SMARCB1: variants seen among roughly 807,000 people sequenced by gnomAD.
The protein encoded by SMARCB1 is SWI/SNF related BAF chromatin remodeling complex subunit B1.
A neutral mutation model predicts 49.0 loss-of-function variants in SMARCB1; 5 were observed. The observed-to-expected ratio is 0.10, with a 90% CI of 0.05 to 0.21. SMARCB1 has a LOEUF of 0.21. Ranked by LOEUF, SMARCB1 falls within the 10% of genes least tolerant of loss-of-function variation. The probability of loss-of-function intolerance (pLI) is 1.00; values close to 1 mark genes in which losing one functional copy is unlikely to be tolerated. For synonymous variants in SMARCB1, 201 were observed against 200.1 expected (o/e 1.00, Z -0.04); for missense variants, 226 against 509.2 (o/e 0.44, Z 5.35).
chr22:23,806,426 CA>C (rs2145988647), intron 5 of SMARCB1, among the ~76,000 whole-genome samples: 1 of 152,272 alleles, frequency 6.6e-6, no homozygotes, highest in East Asian at 1.9e-4. Context: ...AACTCTTCCT[CA>C]GCTCTGGGTG....
At chr22:23,791,323 G>A (rs1928359894) in intron 1 of SMARCB1, among the ~76,000 whole-genome samples, 1 of 152,208 alleles carries the variant, frequency 6.6e-6, no homozygotes, top group East Asian at 1.9e-4. Context: ...GGCCATGGGG[G>A]AAATTATCTG....
In SMARCB1 at chr22:23,836,599, TTTC is replaced by T; in HGVS notation, c.*2422_*2424del. The T allele has an allele frequency of 8.5e-7, 1 of 1,182,028 alleles. No homozygotes were observed. Among genetic ancestry groups the T allele is most frequent in the South Asian group, 4.1e-5 (1 of 24,226 alleles). The allele number at this position is 1,182,028 out of a possible 1,614,324, so 73.2% of individuals were successfully genotyped here. Reference sequence around the variant, plus strand: ...AGCTCTGCCAGGCAACCATGGGCAGTTTCTTTGCCCTCTGTGGGCACCCCTATC... The same window carrying T: ...AGCTCTGCCAGGCAACCATGGGCAGTTTTGCCCTCTGTGGGCACCCCTATC... On this transcript the variant is annotated 3_prime_UTR_variant, in exon 9 of 9. Transcript: ENST00000644036.
Position 23,834,396 on chromosome 22 carries a change from A to G in SMARCB1, c.*216A>G, listed in dbSNP as rs1400368681. On this transcript the variant is annotated 3_prime_UTR_variant, in exon 9 of 9. Coordinates refer to ENST00000644036, the MANE Select transcript of SMARCB1 (RefSeq NM_003073.5). ...CACCCCACCCTCCCTACCCCTCCCC[A>G]GTCTCTGGGGTCAGGAAGAAACCTT... 2.4e-5 allele frequency: 6 copies of G among 250,764 alleles called. No homozygotes were observed. The highest frequency in any genetic ancestry group is 2.3e-4 in the African/African-American group (3 of 13,054). 15.5% of individuals were successfully genotyped at this position (250,764 alleles called of 1,614,324 possible).
chr22:23,805,751 C>T (rs35663839), intron 5 of SMARCB1, among the ~76,000 whole-genome samples: 6 of 152,158 alleles, frequency 3.9e-5, no homozygotes, highest in Non-Finnish European at 5.9e-5. Flanking sequence ...GTGATCCGCC[C>T]GCCTTGGCCT....
At position 23,837,209 on chromosome 22, in the gene SMARCB1, C is replaced by T. The variant is rs1373117868; in HGVS notation, c.*3029C>T. On this transcript the variant is annotated 3_prime_UTR_variant, in exon 9 of 9. Transcript: ENST00000644036. ...CCCTCCACAGCCCAGAGTCCTAGAC[C>T]AGCAGAGCCTGCCCCAGGCCCCCAT... 2 of 1,594,126 alleles carry T rather than the reference C, an allele frequency of 1.3e-6. No homozygotes were observed. The highest frequency in any genetic ancestry group is 3.6e-5 in the Admixed American group (2 of 56,038).
In SMARCB1 at chr22:23,831,357, C is replaced by T. The variant is rs35524778; in HGVS notation, c.987-2215C>T. Among the ~76,000 whole-genome samples the T allele has an allele frequency of 3.1e-3, 473 of 152,360 alleles. 3 individuals carry two copies. The highest frequency in any genetic ancestry group is 0.022 in the South Asian group (108 of 4,828). On this transcript the variant is annotated intron_variant, in intron 7 of 8. Coordinates refer to ENST00000644036, the MANE Select transcript of SMARCB1 (RefSeq NM_003073.5). ...GTCCTGGCTCCCTCTGTCCCTCAGA[C>T]GTGAGCATCCCCTGCCTGGGTATCT...
chr22:23,796,655 C>T (rs1236639418), intron 3 of SMARCB1, among the ~76,000 whole-genome samples: 5 of 152,194 alleles, frequency 3.3e-5, no homozygotes, highest in African/African-American at 1.2e-4. Flanking sequence ...GATGGCTTGG[C>T]CTTCCCAGGG....
intron 7 of SMARCB1, chr22:23,825,729 C>T (rs73881834): frequency 2.8e-4 from 115 of 416,882 alleles, no homozygotes; most frequent in African/African-American, 2.2e-3. Context: ...TGTCCTGCCC[C>T]ACACCCTCTC....
chr22:23,803,765 G>A (rs992135674), intron 5 of SMARCB1: 1 of 392,256 alleles, frequency 2.5e-6, no homozygotes, highest in Non-Finnish European at 4.9e-6. Context: ...CTTGGGTCCT[G>A]TCCACCACTC....
chr22:23,794,978 A>G (rs1928647883), intron 3 of SMARCB1, among the ~76,000 whole-genome samples: 1 of 152,206 alleles, frequency 6.6e-6, no homozygotes, highest in Admixed American at 6.5e-5. Context: ...AGTAATTGGG[A>G]AGTTACGATG....
chr22:23,820,066 G>T (rs2030001603), intron 6 of SMARCB1, among the ~76,000 whole-genome samples: 1 of 151,990 alleles, frequency 6.6e-6, no homozygotes, highest in Non-Finnish European at 1.5e-5. Flanking sequence ...CCGACCACAG[G>T]TGATCCACCT....
intron 2 of SMARCB1, chr22:23,793,323 T>A: frequency 1.7e-6 from 1 of 604,038 alleles, no homozygotes; most frequent in Non-Finnish European, 3.0e-6. Context: ...CCAGTGCTCC[T>A]GGGGCAGATT....
In SMARCB1 at chr22:23,835,506, G is replaced by A. The variant is rs1260762156; in HGVS notation, c.*1326G>A. On this transcript the variant is annotated 3_prime_UTR_variant, in exon 9 of 9. Coordinates refer to ENST00000644036, the MANE Select transcript of SMARCB1 (RefSeq NM_003073.5). ...GGGGTTCTTGGTCGCTGAGATGTGA[G>A]AGGAGGGCTCCTTTGAGCACATGTT... is the stretch of plus-strand genomic sequence containing the variant. The A allele has an allele frequency of 7.1e-6, 7 of 985,490 alleles. No homozygotes were observed. The East Asian group carries it at 6.8e-4, about 96-fold the overall frequency. 61.0% of individuals were successfully genotyped at this position (985,490 alleles called of 1,614,324 possible).
intron 7 of SMARCB1, among the ~76,000 whole-genome samples, chr22:23,832,148 T>C (rs9612480): frequency 0.12 from 18,787 of 152,056 alleles, 1,251 homozygotes; most frequent in South Asian, 0.27. Context: ...GCTGGGTGTG[T>C]GCTCACTGGT....
chr22:23,807,710 GA>G (rs1173191872), intron 5 of SMARCB1, among the ~76,000 whole-genome samples: 2 of 150,112 alleles, frequency 1.3e-5, no homozygotes, highest in African/African-American at 4.9e-5. Context: ...TCAACACAAA[GA>G]AAAAAATCTT....
intron 6 of SMARCB1, among the ~76,000 whole-genome samples, chr22:23,822,583 T>G (rs2030150260): frequency 1.3e-5 from 2 of 152,178 alleles, no homozygotes; most frequent in African/African-American, 2.4e-5. Flanking sequence ...CACATCCCTC[T>G]GTGGAAGCCA....
chr22:23,832,404 T>C (rs900548935), intron 7 of SMARCB1, among the ~76,000 whole-genome samples: 12 of 152,074 alleles, frequency 7.9e-5, no homozygotes, highest in African/African-American at 2.9e-4. Flanking sequence ...CTCCCCCGAG[T>C]CCGGCCTGCC....
At chr22:23,809,122 C>T (rs1357488057) in intron 5 of SMARCB1, among the ~76,000 whole-genome samples, 9 of 151,202 alleles carry the variant, frequency 6.0e-5, no homozygotes, top group South Asian at 4.2e-4. Context: ...CGTGAGCCAC[C>T]GCGCCCAGCC....
chr22:23,800,450 C>T (rs967488009), intron 3 of SMARCB1, among the ~76,000 whole-genome samples: 8 of 152,128 alleles, frequency 5.3e-5, no homozygotes, highest in African/African-American at 1.7e-4. Flanking sequence ...CTGGGGACTC[C>T]CAGCCACCTG....
Sources: allele counts gnomAD v4.1 joint callset (sites outside exome capture counted in the v4.1 genomes callset), GRCh38; gene constraint gnomAD v4.1.1; transcripts MANE v1.5; gene names NCBI Gene and HGNC (gene_info 2026-07-23, HGNC 2026-07-21).